The following GULP1 variants were observed in gnomAD, a reference collection of about 807,000 sequenced individuals.
GULP1 encodes GULP PTB domain containing engulfment adaptor 1.
A neutral mutation model predicts 40.9 loss-of-function variants in GULP1; 19 were observed. The observed-to-expected ratio is 0.46, with a 90% CI of 0.32 to 0.68. GULP1 has a LOEUF of 0.68. Among genes scored for constraint, GULP1 ranks in the 30% least tolerant of loss-of-function variants. The pLI is 0.03. For missense variants in GULP1, 312 were observed against 362.2 expected, an observed-to-expected ratio of 0.86 and a Z score of 1.12; for synonymous variants, 119 against 117.6, an observed-to-expected ratio of 1.01 and a Z score of -0.08.
intron 2 of GULP1, among the ~76,000 whole-genome samples, chr2:188,476,960 T>G (rs2061061638): frequency 6.6e-6 from 1 of 152,154 alleles, no homozygotes; most frequent in Non-Finnish European, 1.5e-5. Context: ...TGGACAACAG[T>G]ACATAAAGTC....
intron 7 of GULP1, among the ~76,000 whole-genome samples, chr2:188,557,657 G>T (rs1695124409): frequency 6.6e-6 from 1 of 152,196 alleles, no homozygotes; most frequent in Admixed American, 6.5e-5. Flanking sequence ...ACTCTCAGTG[G>T]ATCCACCATT....
intron 1 of GULP1, among the ~76,000 whole-genome samples, chr2:188,300,732 C>A (rs992902812): frequency 6.6e-6 from 1 of 152,120 alleles, no homozygotes; most frequent in Non-Finnish European, 1.5e-5. Context: ...GTGACAAGAG[C>A]AGTCTCTTTA....
chr2:188,512,911 T>C (rs1175787548), intron 4 of GULP1, among the ~76,000 whole-genome samples: 2 of 152,110 alleles, frequency 1.3e-5, no homozygotes, highest in East Asian at 3.8e-4. Context: ...ATTAACCAAA[T>C]ACGACATATC....
Position 188,357,033 on chromosome 2 carries a change from T to A in GULP1, c.-171-26730T>A, listed in dbSNP as rs981607842. ...GCAGAAAAATAAAACTGGACCCCTA[T>A]GTTTCACCATGTACAAAGATCAACT... On this transcript the variant is annotated intron_variant, in intron 1 of 11. Coordinates refer to ENST00000409830, the MANE Select transcript of GULP1 (RefSeq NM_016315.4). 2.6e-5 allele frequency among the ~76,000 whole-genome samples: 4 copies of A among 152,260 alleles called. No homozygotes were observed. In the East Asian group the frequency reaches 7.7e-4, roughly 29 times the overall value.
At chr2:188,591,063 A>G (rs1444320014) in intron 11 of GULP1, 1 of 152,122 alleles carries the variant, frequency 6.6e-6, no homozygotes, top group Non-Finnish European at 1.5e-5. Flanking sequence ...ATATATAAAT[A>G]CATTACATAT....
chr2:188,305,312 C>T (rs1340921910), intron 1 of GULP1, among the ~76,000 whole-genome samples: 1 of 152,196 alleles, frequency 6.6e-6, no homozygotes, highest in Non-Finnish European at 1.5e-5. Flanking sequence ...GAAGGATGCT[C>T]TCTGAACCCT....
chr2:188,459,473 T>A (rs978217110), intron 2 of GULP1, among the ~76,000 whole-genome samples: 5 of 152,218 alleles, frequency 3.3e-5, no homozygotes, highest in Admixed American at 1.3e-4. Context: ...TGTCTCCTTT[T>A]GAGAAATAGC....
At chr2:188,514,634 T>G (rs1183552233) in intron 4 of GULP1, among the ~76,000 whole-genome samples, 1 of 152,188 alleles carries the variant, frequency 6.6e-6, no homozygotes, top group Non-Finnish European at 1.5e-5. Context: ...TTTTCATCAT[T>G]GCTAATTTTT....
intron 1 of GULP1, among the ~76,000 whole-genome samples, chr2:188,356,295 C>T (rs6711599): frequency 0.77 from 117,209 of 151,954 alleles, 46,030 homozygotes; most frequent in East Asian, 0.95. Flanking sequence ...AAATCTAAAG[C>T]CTCCACCAAA....
chr2:188,391,291 T>G (rs1178811327), intron 2 of GULP1, among the ~76,000 whole-genome samples: 2 of 152,110 alleles, frequency 1.3e-5, no homozygotes, highest in African/African-American at 2.4e-5. Context: ...TTCAGCAGTG[T>G]TTTTTAGTTC....
At position 188,463,962 on chromosome 2, in the gene GULP1, C is replaced by T. The variant is rs550362514; in HGVS notation, c.-44-13697C>T. The stretch of plus-strand genomic sequence containing the variant: ...TTTTTTCATTCAGATATTGTGAATT[C>T]TCTGTCTGAATTCAAAGGTCACATA... On this transcript the variant is annotated intron_variant, in intron 2 of 11. Transcript: ENST00000409830. 7.9e-5 allele frequency among the ~76,000 whole-genome samples: 12 copies of T among 152,008 alleles called. 1 individual carries two copies. Among genetic ancestry groups the T allele is most frequent in the Middle Eastern group, 6.8e-3 (2 of 294 alleles).
At chr2:188,301,015 AT>A (rs1180614668) in intron 1 of GULP1, among the ~76,000 whole-genome samples, 2 of 151,778 alleles carry the variant, frequency 1.3e-5, no homozygotes, top group African/African-American at 4.8e-5. Context: ...GTTCCTGTTT[AT>A]TTATTTATTT....
chr2:188,562,721 G>A (rs1696624968), intron 7 of GULP1, among the ~76,000 whole-genome samples: 1 of 152,068 alleles, frequency 6.6e-6, no homozygotes, highest in Non-Finnish European at 1.5e-5. Context: ...GCTATCCCAA[G>A]CAACAGAGTA....
At chr2:188,492,452 G>A (rs978986439) in intron 4 of GULP1, among the ~76,000 whole-genome samples, 1 of 151,922 alleles carries the variant, frequency 6.6e-6, no homozygotes, top group Non-Finnish European at 1.5e-5. Context: ...TAAAAAAATA[G>A]CATTTAACAT....
At chr2:188,328,510 A>C (rs1015313244) in intron 1 of GULP1, among the ~76,000 whole-genome samples, 4 of 152,190 alleles carry the variant, frequency 2.6e-5, no homozygotes, top group African/African-American at 7.2e-5. Context: ...TAGAATCAGC[A>C]AAAATATATT....
chr2:188,492,240 G>C (rs1051580599), intron 4 of GULP1, among the ~76,000 whole-genome samples: 4 of 151,966 alleles, frequency 2.6e-5, no homozygotes, highest in Non-Finnish European at 4.4e-5. Flanking sequence ...TCTTCAAAGT[G>C]TTATATATTT....
chr2:188,315,147 AT>A (rs1395855625), intron 1 of GULP1, among the ~76,000 whole-genome samples: 1 of 152,178 alleles, frequency 6.6e-6, no homozygotes, highest in Admixed American at 6.6e-5. Flanking sequence ...GTGAAAACTA[AT>A]CTTCAATCCA....
At chr2:188,316,700 T>A (rs995988342) in intron 1 of GULP1, among the ~76,000 whole-genome samples, 3 of 152,172 alleles carry the variant, frequency 2.0e-5, no homozygotes, top group Admixed American at 6.6e-5. Context: ...CCATTAATCC[T>A]ATTTTAATAT....
intron 4 of GULP1, among the ~76,000 whole-genome samples, chr2:188,506,383 A>G (rs569877784): frequency 3.4e-4 from 51 of 151,966 alleles, no homozygotes; most frequent in Non-Finnish European, 6.5e-4. Flanking sequence ...CTAATTGATT[A>G]TAGTTGTTTT....
Sources: allele counts gnomAD v4.1 joint callset (sites outside exome capture counted in the v4.1 genomes callset), GRCh38; gene constraint gnomAD v4.1.1; transcripts MANE v1.5; gene names NCBI Gene and HGNC (gene_info 2026-07-23, HGNC 2026-07-21).